Variants in CNTN4 observed in about 807,000 individuals in gnomAD.
The protein encoded by CNTN4 is contactin 4, also known as contactin-4.
A neutral mutation model predicts 122.5 loss-of-function variants in CNTN4; 77 were observed. The observed-to-expected ratio is 0.63, with a 90% CI of 0.52 to 0.76. CNTN4 has a LOEUF of 0.76. CNTN4 is among the 30% of genes least tolerant of loss of function. CNTN4 has a pLI of 0.00. For missense variants in CNTN4, 1,256 were observed against 1,259.1 expected, an observed-to-expected ratio of 1.00 and a Z score of 0.04; for synonymous variants, 512 against 447.0, an observed-to-expected ratio of 1.15 and a Z score of -1.83.
At chr3:2,434,503 T>C (rs2048191542) in intron 3 of CNTN4, among the ~76,000 whole-genome samples, 3 of 152,154 alleles carry the variant, frequency 2.0e-5, no homozygotes, top group Admixed American at 1.3e-4. Context: ...TAGTCCCAGA[T>C]TGGTGCAGCA....
intron 2 of CNTN4, among the ~76,000 whole-genome samples, chr3:2,282,451 C>T (rs1407574530): frequency 6.6e-6 from 1 of 152,030 alleles, no homozygotes; most frequent in African/African-American, 2.4e-5. Context: ...AACATGCTCT[C>T]CTTAGTTTTA....
intron 3 of CNTN4, among the ~76,000 whole-genome samples, chr3:2,537,997 CT>C (rs2149276970): frequency 6.6e-6 from 1 of 152,068 alleles, no homozygotes; most frequent in East Asian, 1.9e-4. Context: ...CATAACCCCC[CT>C]GTACACCTGA....
intron 2 of CNTN4, among the ~76,000 whole-genome samples, chr3:2,219,439 C>G (rs1383319081): frequency 6.6e-6 from 1 of 152,112 alleles, no homozygotes; most frequent in Non-Finnish European, 1.5e-5. Context: ...TTCAGTGTTA[C>G]AGAAAGGCAG....
At position 2,351,263 on chromosome 3, in the gene CNTN4, A is replaced by G. The variant is rs750670841; in HGVS notation, c.-89+12030A>G. Among the ~76,000 whole-genome samples the G allele has an allele frequency of 1.5e-4, 23 of 152,262 alleles. No individual in the cohort carries two copies. The Middle Eastern group carries it at 0.01, about 68-fold the overall frequency. On this transcript the variant is annotated intron_variant, in intron 3 of 24. Transcript: ENST00000418658. Reference sequence around the variant, plus strand: ...GTGAACTCATAGAACACCATAAGTAAAATGTACCCCAGATAACATCCAGAC... The same window carrying G: ...GTGAACTCATAGAACACCATAAGTAGAATGTACCCCAGATAACATCCAGAC...
At chr3:2,400,318 TACAC>T (rs1310560288) in intron 3 of CNTN4, among the ~76,000 whole-genome samples, 1 of 148,772 alleles carries the variant, frequency 6.7e-6, no homozygotes, top group Non-Finnish European at 1.5e-5. Context: ...CACACAAACA[TACAC>T]ACACATATGT....
At chr3:2,202,273 T>C (rs1334286362) in intron 2 of CNTN4, among the ~76,000 whole-genome samples, 1 of 152,202 alleles carries the variant, frequency 6.6e-6, no homozygotes, top group Non-Finnish European at 1.5e-5. Flanking sequence ...ATCTTTAAGG[T>C]TCCTAGTTCT....
intron 2 of CNTN4, among the ~76,000 whole-genome samples, chr3:2,258,057 C>T (rs1052466517): frequency 8.5e-5 from 13 of 152,080 alleles, no homozygotes; most frequent in African/African-American, 2.9e-4. Flanking sequence ...AATGAGACTC[C>T]ATCTCAAAAT....
intron 4 of CNTN4, among the ~76,000 whole-genome samples, chr3:2,599,306 G>A (rs1047220765): frequency 6.6e-6 from 1 of 152,174 alleles, no homozygotes; most frequent in Non-Finnish European, 1.5e-5. Context: ...CAAGATCATA[G>A]AGCTGGTAAA....
chr3:2,586,121 AC>A, intron 4 of CNTN4, among the ~76,000 whole-genome samples: 1 of 152,262 alleles, frequency 6.6e-6, no homozygotes, highest in Non-Finnish European at 1.5e-5. Context: ...AGATGGGGCA[AC>A]TAAATTGGGT....
chr3:2,705,232 G>C (rs1326355430), intron 4 of CNTN4, among the ~76,000 whole-genome samples: 1 of 149,364 alleles, frequency 6.7e-6, no homozygotes, highest in Non-Finnish European at 1.5e-5. Context: ...GCTGGGCGTA[G>C]TGGCGGGCGC....
Position 2,180,436 on chromosome 3 carries a change from A to G in CNTN4, c.-145+79797A>G, listed in dbSNP as rs201509906. Among the ~76,000 whole-genome samples, 17 of 152,152 alleles carry G rather than the reference A, an allele frequency of 1.1e-4. No individual in the cohort carries two copies. In the East Asian group the frequency reaches 3.1e-3, roughly 28 times the overall value. On this transcript the variant is annotated intron_variant, in intron 2 of 24. Coordinates refer to ENST00000418658, the MANE Select transcript of CNTN4 (RefSeq NM_175607.3). Reference sequence around the variant, plus strand: ...TCAAACTTGGCTATCATCTTTGACCACAGATTTTGTCTCATGCTTTTCAAA... The same window carrying G: ...TCAAACTTGGCTATCATCTTTGACCGCAGATTTTGTCTCATGCTTTTCAAA...
At chr3:2,664,977 A>C (rs989014002) in intron 4 of CNTN4, among the ~76,000 whole-genome samples, 45 of 152,182 alleles carry the variant, frequency 3.0e-4, no homozygotes, top group Non-Finnish European at 6.3e-4. Context: ...GCTTCTGGGG[A>C]GGTTTTCCTC....
At chr3:2,685,929 C>T (rs2085408624) in intron 4 of CNTN4, among the ~76,000 whole-genome samples, 1 of 152,064 alleles carries the variant, frequency 6.6e-6, no homozygotes, top group Non-Finnish European at 1.5e-5. Flanking sequence ...AAACCCAAAC[C>T]ACAGACTAAA....
At chr3:2,558,341 G>A (rs1319234192) in intron 3 of CNTN4, among the ~76,000 whole-genome samples, 1 of 152,120 alleles carries the variant, frequency 6.6e-6, no homozygotes, top group African/African-American at 2.4e-5. Context: ...ATTGTTTATA[G>A]CATTCATTTC....
chr3:2,916,283 G>T (rs2094353257), intron 12 of CNTN4, among the ~76,000 whole-genome samples: 2 of 151,432 alleles, frequency 1.3e-5, no homozygotes, highest in African/African-American at 2.4e-5. Flanking sequence ...GACAATAGTG[G>T]AGGGAAGGTC....
intron 4 of CNTN4, among the ~76,000 whole-genome samples, chr3:2,706,012 A>G (rs2086711983): frequency 1.4e-5 from 2 of 140,878 alleles, no homozygotes; most frequent in African/African-American, 5.2e-5. Flanking sequence ...AAATAAATAT[A>G]TATAAATATA....
chr3:3,014,879 G>T (rs894187794), intron 14 of CNTN4, among the ~76,000 whole-genome samples: 17 of 121,542 alleles, frequency 1.4e-4, no homozygotes, highest in South Asian at 5.6e-4. Flanking sequence ...CCCTCGATTG[G>T]TTTTTTTTTT....
intron 7 of CNTN4, among the ~76,000 whole-genome samples, chr3:2,833,481 T>A (rs2093147717): frequency 6.6e-6 from 1 of 152,200 alleles, no homozygotes; most frequent in African/African-American, 2.4e-5. Flanking sequence ...AGACAGGTCA[T>A]CAGTGTGTAT....
At chr3:2,845,333 C>A (rs2093437664) in intron 7 of CNTN4, among the ~76,000 whole-genome samples, 1 of 151,922 alleles carries the variant, frequency 6.6e-6, no homozygotes, top group South Asian at 2.1e-4. Flanking sequence ...AACCCTAGTC[C>A]ACTGTCAACT....
Sources: allele counts gnomAD v4.1 joint callset (sites outside exome capture counted in the v4.1 genomes callset), GRCh38; gene constraint gnomAD v4.1.1; transcripts MANE v1.5; gene names NCBI Gene and HGNC (gene_info 2026-07-23, HGNC 2026-07-21).